CDH13: variants seen among roughly 807,000 people sequenced by gnomAD.
CDH13 encodes the protein cadherin-13.
A neutral mutation model predicts 63.8 loss-of-function variants in CDH13; 24 were observed. The ratio of observed to expected loss-of-function variants is 0.38; its 90% CI spans 0.27 to 0.53. The LOEUF (loss-of-function observed/expected upper bound fraction) is 0.53. Among genes scored for constraint, CDH13 ranks in the 20% least tolerant of loss-of-function variants. The pLI is 0.85. For synonymous variants in CDH13, 503 were observed against 355.3 expected (o/e 1.42, Z -4.67); for missense variants, 1,049 against 903.1 (o/e 1.16, Z -2.07).
At chr16:83,757,372 G>C (rs977035801) in intron 11 of CDH13, among the ~76,000 whole-genome samples, 28 of 152,142 alleles carry the variant, frequency 1.8e-4, no homozygotes, top group African/African-American at 6.8e-4. Context: ...GAGGTCAGGA[G>C]ATCGAGACCA....
intron 6 of CDH13, among the ~76,000 whole-genome samples, chr16:83,453,127 A>G (rs1046646426): frequency 3.3e-5 from 5 of 152,198 alleles, no homozygotes; most frequent in African/African-American, 1.2e-4. Flanking sequence ...GGAATGGAAA[A>G]CCAAACATTG....
At chr16:83,385,322 G>T (rs1282443871) in intron 6 of CDH13, among the ~76,000 whole-genome samples, 2 of 152,166 alleles carry the variant, frequency 1.3e-5, no homozygotes, top group African/African-American at 2.4e-5. Flanking sequence ...GGCATATTAT[G>T]ATTTGGATGC....
chr16:82,708,090 C>T (rs1352049960), intron 1 of CDH13, among the ~76,000 whole-genome samples: 2 of 152,160 alleles, frequency 1.3e-5, no homozygotes, highest in African/African-American at 4.8e-5. Flanking sequence ...GAAGGTGGCT[C>T]ATGTGTATGT....
chr16:83,152,355 A>G (rs1003420824), intron 4 of CDH13, among the ~76,000 whole-genome samples: 1 of 152,252 alleles, frequency 6.6e-6, no homozygotes, highest in Admixed American at 6.5e-5. Flanking sequence ...TAATTTTTAA[A>G]CATATAGAAA....
At chr16:83,679,887 C>G (rs1598465110) in intron 10 of CDH13, among the ~76,000 whole-genome samples, 1 of 152,090 alleles carries the variant, frequency 6.6e-6, no homozygotes, top group East Asian at 1.9e-4. Flanking sequence ...GCTGGGACAA[C>G]TTGGGATGCT....
intron 3 of CDH13, among the ~76,000 whole-genome samples, chr16:83,049,457 C>G (rs990381779): frequency 1.3e-5 from 2 of 151,448 alleles, no homozygotes; most frequent in African/African-American, 4.9e-5. Flanking sequence ...GCCTCATCCT[C>G]CCGAGTAGCT....
chr16:83,432,911 G>C (rs1346023787), intron 6 of CDH13, among the ~76,000 whole-genome samples: 1 of 152,200 alleles, frequency 6.6e-6, no homozygotes, highest in Non-Finnish European at 1.5e-5. Context: ...TAACATTTAT[G>C]TTTCTTCTTC....
intron 4 of CDH13, among the ~76,000 whole-genome samples, chr16:83,169,203 C>T (rs1330483169): frequency 6.6e-6 from 1 of 151,168 alleles, no homozygotes; most frequent in African/African-American, 2.4e-5. Context: ...TTTGAGACGG[C>T]ATCTCACTTT....
At chr16:83,695,981 C>G (rs1265537319) in intron 10 of CDH13, among the ~76,000 whole-genome samples, 1 of 151,958 alleles carries the variant, frequency 6.6e-6, no homozygotes, top group Non-Finnish European at 1.5e-5. Context: ...CCTCTGCCTC[C>G]TGGGCTCAAG....
At chr16:83,193,011 G>T (rs1457856424) in intron 4 of CDH13, among the ~76,000 whole-genome samples, 1 of 152,136 alleles carries the variant, frequency 6.6e-6, no homozygotes, top group African/African-American at 2.4e-5. Context: ...GATGGAGGCT[G>T]CCCATCATGG....
intron 1 of CDH13, among the ~76,000 whole-genome samples, chr16:82,847,550 T>G (rs1369797733): frequency 1.3e-5 from 2 of 152,218 alleles, no homozygotes; most frequent in Admixed American, 1.3e-4. Context: ...AAGATACCTG[T>G]GATTACATTG....
chr16:83,600,509 T>C (rs1468872501), intron 7 of CDH13, among the ~76,000 whole-genome samples: 3 of 152,236 alleles, frequency 2.0e-5, no homozygotes, highest in Non-Finnish European at 4.4e-5. Context: ...TTGAGAGAGC[T>C]AGCGTTGAGC....
chr16:83,127,525 T>A (rs375734209), intron 4 of CDH13, among the ~76,000 whole-genome samples: 23 of 150,820 alleles, frequency 1.5e-4, no homozygotes, highest in African/African-American at 5.1e-4. Context: ...AGGTCAGGAG[T>A]TCAAGACCAT....
chr16:82,872,372 G>GC (rs1264657176), intron 2 of CDH13, among the ~76,000 whole-genome samples: 1 of 152,164 alleles, frequency 6.6e-6, no homozygotes, highest in Non-Finnish European at 1.5e-5. Context: ...TGGTTCTGGA[G>GC]CTGGTATAAA....
rs369841355 is a variant in CDH13, at chr16:83,624,348, CT to C, written c.1101+21755del. ...AAATGATGAGATAACGCCCCCACCC[CT>C]GCCCCAGGTCAGCAGTCCCCAGCCT... On this transcript the variant is annotated intron_variant, in intron 8 of 13. Transcript: ENST00000567109. Among the ~76,000 whole-genome samples, 229 of 150,938 alleles carry C rather than the reference CT, an allele frequency of 1.5e-3. 4 individuals carry two copies. Among genetic ancestry groups the C allele is most frequent in the African/African-American group, 4.8e-3 (198 of 41,210 alleles).
At chr16:83,739,579 G>T (rs569709075) in intron 10 of CDH13, among the ~76,000 whole-genome samples, 5 of 152,086 alleles carry the variant, frequency 3.3e-5, no homozygotes, top group African/African-American at 1.2e-4. Context: ...ACCTAACTAA[G>T]CCCCCTTTGA....
chr16:82,936,426 G>C (rs1165340653), intron 2 of CDH13, among the ~76,000 whole-genome samples: 5 of 152,092 alleles, frequency 3.3e-5, no homozygotes, highest in Non-Finnish European at 7.3e-5. Flanking sequence ...AATGCCTGAT[G>C]ATCTGAGGTA....
chr16:82,670,064 T>C (rs1239401116), intron 1 of CDH13, among the ~76,000 whole-genome samples: 3 of 152,226 alleles, frequency 2.0e-5, no homozygotes, highest in African/African-American at 7.2e-5. Flanking sequence ...AATTGCTGCT[T>C]GTCTCAGAGT....
chr16:83,721,328 A>T (rs1008326177), intron 10 of CDH13: 4 of 152,240 alleles, frequency 2.6e-5, no homozygotes, highest in Non-Finnish European at 4.4e-5. Context: ...TGAAGAACGC[A>T]GGTTGTTTGC....
Sources: allele counts gnomAD v4.1 joint callset (sites outside exome capture counted in the v4.1 genomes callset), GRCh38; gene constraint gnomAD v4.1.1; transcripts MANE v1.5; gene names NCBI Gene and HGNC (gene_info 2026-07-23, HGNC 2026-07-21).